Variants in MAPK10 observed in about 807,000 individuals in gnomAD.
The protein encoded by MAPK10 is mitogen-activated protein kinase 10.
A neutral mutation model predicts 59.3 loss-of-function variants in MAPK10; 25 were observed. The ratio of observed to expected loss-of-function variants is 0.42; its 90% CI spans 0.31 to 0.59. MAPK10 has a LOEUF of 0.59. Among genes scored for constraint, MAPK10 ranks in the 20% least tolerant of loss-of-function variants. The pLI, the probability that MAPK10 is intolerant of heterozygous loss-of-function variation, is 0.15. For missense variants in MAPK10, 351 were observed against 568.9 expected, an observed-to-expected ratio of 0.62 and a Z score of 3.90; for synonymous variants, 190 against 200.5, an observed-to-expected ratio of 0.95 and a Z score of 0.44.
intron 9 of MAPK10, among the ~76,000 whole-genome samples, chr4:86,072,378 G>A (rs555511616): frequency 4.0e-5 from 6 of 151,206 alleles, no homozygotes; most frequent in East Asian, 3.9e-4. Flanking sequence ...ATTGAATACC[G>A]TTTATTTCCT....
intron 1 of MAPK10, among the ~76,000 whole-genome samples, chr4:86,460,916 C>T (rs1449569655): frequency 6.6e-6 from 1 of 152,172 alleles, no homozygotes; most frequent in African/African-American, 2.4e-5. Context: ...GGGCTCTCAG[C>T]TCTGAAGGCT....
At chr4:86,201,576 A>G (rs1041402719) in intron 2 of MAPK10, among the ~76,000 whole-genome samples, 1 of 151,886 alleles carries the variant, frequency 6.6e-6, no homozygotes, top group Non-Finnish European at 1.5e-5. Flanking sequence ...GAAATGCTTT[A>G]TCTATTCCAG....
chr4:86,049,392 A>G (rs1160620635), intron 11 of MAPK10, among the ~76,000 whole-genome samples: 2 of 151,878 alleles, frequency 1.3e-5, no homozygotes, highest in Non-Finnish European at 2.9e-5. Flanking sequence ...TTTTTAATGT[A>G]TTTAATAAAT....
intron 5 of MAPK10, among the ~76,000 whole-genome samples, chr4:86,106,356 T>C (rs2056526635): frequency 6.6e-6 from 1 of 151,730 alleles, no homozygotes; most frequent in African/African-American, 2.4e-5. Context: ...GCTATTATAC[T>C]ATAGAATAAT....
At chr4:86,359,273 T>TCC in intron 1 of MAPK10, among the ~76,000 whole-genome samples, 1 of 134,880 alleles carries the variant, frequency 7.4e-6, no homozygotes, top group African/African-American at 2.9e-5. Context: ...CCTCTCTCTC[T>TCC]CTCTCTCTCT....
chr4:86,272,620 C>T (rs900040807), intron 2 of MAPK10, among the ~76,000 whole-genome samples: 3 of 151,914 alleles, frequency 2.0e-5, no homozygotes, highest in Non-Finnish European at 2.9e-5. Context: ...TTTTCATTTA[C>T]ACTTTGCCAG....
At chr4:86,530,131 C>A (rs1757755616) in intron 1 of MAPK10, among the ~76,000 whole-genome samples, 1 of 144,140 alleles carries the variant, frequency 6.9e-6, no homozygotes, top group Admixed American at 7.1e-5. Flanking sequence ...TGATCAGAAT[C>A]TTCAGGGCTG....
intron 2 of MAPK10, among the ~76,000 whole-genome samples, chr4:86,258,352 C>G (rs916632844): frequency 7.2e-5 from 11 of 152,076 alleles, no homozygotes; most frequent in African/African-American, 2.7e-4. Context: ...TTCTCTCTTC[C>G]CCATTTTCCT....
chr4:86,524,079 T>C (rs1387188301), intron 1 of MAPK10, among the ~76,000 whole-genome samples: 2 of 152,176 alleles, frequency 1.3e-5, no homozygotes, highest in East Asian at 3.9e-4. Flanking sequence ...CCCTTTCTCT[T>C]GCTTCCTCTT....
intron 2 of MAPK10, among the ~76,000 whole-genome samples, chr4:86,202,497 AAAG>A (rs2082862464): frequency 1.3e-5 from 2 of 152,002 alleles, no homozygotes; most frequent in Non-Finnish European, 1.5e-5. Context: ...TTACTGAATG[AAAG>A]AAGAACCCAA....
At chr4:86,324,922 A>AT (rs1264818013) in intron 2 of MAPK10, among the ~76,000 whole-genome samples, 4 of 152,020 alleles carry the variant, frequency 2.6e-5, no homozygotes, top group African/African-American at 4.8e-5. Flanking sequence ...CCATTTCAAT[A>AT]TTTTTTTTAG....
intron 4 of MAPK10, among the ~76,000 whole-genome samples, chr4:86,149,495 G>A (rs897514948): frequency 2.2e-4 from 34 of 152,044 alleles, no homozygotes; most frequent in African/African-American, 8.0e-4. Flanking sequence ...TTGAACACCC[G>A]ACCTCAGGTG....
intron 1 of MAPK10, among the ~76,000 whole-genome samples, chr4:86,412,417 T>C (rs1275159718): frequency 6.6e-6 from 1 of 152,236 alleles, no homozygotes; most frequent in East Asian, 1.9e-4. Context: ...TGTGGTGTTC[T>C]CCGTATTTCC....
intron 11 of MAPK10, among the ~76,000 whole-genome samples, chr4:86,057,411 A>G (rs1394861914): frequency 6.7e-6 from 1 of 150,330 alleles, no homozygotes; most frequent in Non-Finnish European, 1.5e-5. Flanking sequence ...GGGACATAGG[A>G]TTTCAGATTC....
intron 1 of MAPK10, among the ~76,000 whole-genome samples, chr4:86,449,084 A>G (rs993590039): frequency 6.7e-6 from 1 of 149,110 alleles, no homozygotes; most frequent in African/African-American, 2.5e-5. Flanking sequence ...CGCCACCCCC[A>G]CCGCACCACC....
At chr4:86,501,523 T>C (rs888569877) in intron 1 of MAPK10, among the ~76,000 whole-genome samples, 5 of 152,054 alleles carry the variant, frequency 3.3e-5, no homozygotes, top group Admixed American at 6.6e-5. Context: ...AATTAGGAAC[T>C]AGGAAGAGCC....
At chr4:86,049,909 T>C (rs564514930) in intron 11 of MAPK10, among the ~76,000 whole-genome samples, 32 of 152,274 alleles carry the variant, frequency 2.1e-4, no homozygotes, top group African/African-American at 6.7e-4. Context: ...TTAAAATCTG[T>C]TCCCCCAAGC....
At chr4:86,029,297 T>G in intron 12 of MAPK10, 23 bp from the exon 13 acceptor site, 1 of 1,463,910 alleles carries the variant, frequency 6.8e-7, no homozygotes, top group Non-Finnish European at 9.6e-7. Flanking sequence ...GCTGTGTTAT[T>G]ATAGAAAACA....
chr4:86,586,228 T>C (rs1344433170), intron 1 of MAPK10, among the ~76,000 whole-genome samples: 1 of 152,152 alleles, frequency 6.6e-6, no homozygotes, highest in East Asian at 1.9e-4. Flanking sequence ...CCAGGACAAG[T>C]AGTAGAAATG....
Sources: gnomAD v4.1 joint callset for allele counts (sites outside exome capture counted in the v4.1 genomes callset) on GRCh38, gnomAD v4.1.1 for gene constraint, MANE v1.5 for transcripts, NCBI Gene and HGNC (gene_info 2026-07-23, HGNC 2026-07-21) for gene names.